STARD13: variants seen among roughly 807,000 people sequenced by gnomAD.
The protein encoded by STARD13 is stAR-related lipid transfer protein 13.
In STARD13, 62 loss-of-function variants were observed where a neutral mutation model predicts 106.4. That is an observed-to-expected ratio of 0.58 (90% CI 0.48 to 0.72). STARD13 has a LOEUF of 0.72. Ranked by LOEUF, STARD13 falls within the 30% of genes least tolerant of loss-of-function variation. The pLI, the probability that STARD13 is intolerant of heterozygous loss-of-function variation, is 0.00. For synonymous variants in STARD13, 565 were observed against 553.0 expected (o/e 1.02, Z -0.31); for missense variants, 1,387 against 1,424.0 (o/e 0.97, Z 0.42).
At chr13:33,323,281 G>C (rs553818854) in intron 1 of STARD13, among the ~76,000 whole-genome samples, 38 of 152,198 alleles carry the variant, frequency 2.5e-4, no homozygotes, top group Admixed American at 7.2e-4. Context: ...CCACTGCCTT[G>C]TACGCCCTTC....
chr13:33,226,628 T>G (rs2138195577), intron 1 of STARD13, among the ~76,000 whole-genome samples: 1 of 152,076 alleles, frequency 6.6e-6, no homozygotes, highest in East Asian at 1.9e-4. Flanking sequence ...AGAGACAGGG[T>G]TTCACCATGT....
the STARD13 span, among the ~76,000 whole-genome samples, chr13:33,622,752 TC>T: frequency 6.9e-6 from 1 of 144,630 alleles, no homozygotes; most frequent in African/African-American, 2.6e-5. Context: ...AAACCCCATC[TC>T]TACTAAAAAT....
At chr13:33,107,013 T>G in intron 12 of STARD13, 79 bp from the exon 13 acceptor site, 1 of 1,423,204 alleles carries the variant, frequency 7.0e-7, no homozygotes, top group Non-Finnish European at 9.5e-7. Context: ...AGGTTTGTGT[T>G]TATATTTTCC....
intron 1 of STARD13, among the ~76,000 whole-genome samples, chr13:33,187,936 G>A (rs1178011176): frequency 6.6e-6 from 1 of 152,086 alleles, no homozygotes; most frequent in African/African-American, 2.4e-5. Context: ...TGCCCACCTC[G>A]GCCCTCCCAA....
chr13:33,444,036 G>T, the STARD13 span, among the ~76,000 whole-genome samples: 1 of 152,060 alleles, frequency 6.6e-6, no homozygotes, highest in African/African-American at 2.4e-5. Context: ...CTATAAACAT[G>T]AAGGAAGGGT....
the STARD13 span, among the ~76,000 whole-genome samples, chr13:33,665,837 C>T: frequency 1.3e-5 from 2 of 152,292 alleles, no homozygotes; most frequent in East Asian, 3.9e-4. Flanking sequence ...CTGACTCTCT[C>T]CTGGGGTCTC....
chr13:33,490,626 C>T, the STARD13 span, among the ~76,000 whole-genome samples: 3 of 152,130 alleles, frequency 2.0e-5, no homozygotes, highest in East Asian at 1.9e-4. Flanking sequence ...CCCCAGCCCC[C>T]GCCCTTCCAG....
At chr13:33,487,373 C>T in the STARD13 span, among the ~76,000 whole-genome samples, 1 of 152,152 alleles carries the variant, frequency 6.6e-6, no homozygotes, top group Non-Finnish European at 1.5e-5. Flanking sequence ...TCATCTCACA[C>T]ATAGACACGG....
At chr13:33,622,238 C>A in the STARD13 span, among the ~76,000 whole-genome samples, 1 of 152,142 alleles carries the variant, frequency 6.6e-6, no homozygotes, top group Non-Finnish European at 1.5e-5. Flanking sequence ...AACCCTATTA[C>A]CAAAACCTGA....
chr13:33,595,484 AT>A, the STARD13 span, among the ~76,000 whole-genome samples: 2 of 152,198 alleles, frequency 1.3e-5, no homozygotes, highest in Non-Finnish European at 2.9e-5. Flanking sequence ...GAAAATTTAA[AT>A]TATAATGAGA....
chr13:33,462,850 A>G, the STARD13 span, among the ~76,000 whole-genome samples: 1 of 151,988 alleles, frequency 6.6e-6, no homozygotes. Context: ...TCAAATGTTA[A>G]TCTCCTTTGG....
chr13:33,384,094 G>T, the STARD13 span, among the ~76,000 whole-genome samples: 1 of 152,176 alleles, frequency 6.6e-6, no homozygotes, highest in Admixed American at 6.5e-5. Context: ...GAGCAACTTG[G>T]TTGGCTAGCC....
chr13:33,279,838 T>C (rs904967483), intron 1 of STARD13: 6 of 152,236 alleles, frequency 3.9e-5, no homozygotes, highest in Admixed American at 1.3e-4. Context: ...AGTTAGTTAA[T>C]TTAATTCACT....
rs1339068357 is a variant in STARD13, at chr13:33,177,797, AAGGAAAGGAAGGAAGG to A, written c.170-10191_170-10176del. On this transcript the variant is annotated intron_variant, in intron 1 of 13. Coordinates refer to ENST00000336934, the MANE Select transcript of STARD13 (RefSeq NM_178006.4). ...GAAGGAAGGAAGGAAGGAAGGAAGG[AAGGAAAGGAAGGAAGG>A]AAGGAAGGAAGGAAGGAAGGAAGGA... Among the ~76,000 whole-genome samples, 83 of 29,988 alleles carry A rather than the reference AAGGAAAGGAAGGAAGG, an allele frequency of 2.8e-3. 14 individuals are homozygous for A. The highest frequency in any genetic ancestry group is 0.024 in the Admixed American group (74 of 3,084). 19.7% of individuals were successfully genotyped at this position (29,988 alleles called of 152,430 possible).
At chr13:33,484,944 C>T in the STARD13 span, among the ~76,000 whole-genome samples, 1 of 152,316 alleles carries the variant, frequency 6.6e-6, no homozygotes, top group South Asian at 2.1e-4. Flanking sequence ...TAAGGAGACA[C>T]TTCATCCAAC....
chr13:33,460,269 C>T, the STARD13 span, among the ~76,000 whole-genome samples: 3 of 151,488 alleles, frequency 2.0e-5, no homozygotes, highest in African/African-American at 7.3e-5. Flanking sequence ...AGGCAGATCA[C>T]GAGGTCAGGA....
chr13:33,161,959 G>A (rs1167337227), intron 3 of STARD13, among the ~76,000 whole-genome samples: 3 of 152,060 alleles, frequency 2.0e-5, no homozygotes, highest in Admixed American at 6.5e-5. Context: ...ACAGTATGGG[G>A]GAAACTGCCC....
chr13:33,520,142 A>T, the STARD13 span: 53 of 152,322 alleles, frequency 3.5e-4, no homozygotes, highest in Admixed American at 2.4e-3. Flanking sequence ...ACATGTGATC[A>T]GTAAAGGCTA....
chr13:33,297,275 T>C (rs1440157297), intron 1 of STARD13, among the ~76,000 whole-genome samples: 1 of 152,256 alleles, frequency 6.6e-6, no homozygotes, highest in East Asian at 1.9e-4. Flanking sequence ...ACCTTCTCCT[T>C]AGTGGCTCCG....
Sources: allele counts gnomAD v4.1 joint callset (sites outside exome capture counted in the v4.1 genomes callset), GRCh38; gene constraint gnomAD v4.1.1; transcripts MANE v1.5; gene names NCBI Gene and HGNC (gene_info 2026-07-23, HGNC 2026-07-21).